The following MAPKAPK2 variants were observed in gnomAD, a reference collection of about 807,000 sequenced individuals.
The protein encoded by MAPKAPK2 is MAP kinase-activated protein kinase 2.
MAPKAPK2 carries 9 observed loss-of-function variants against 48.8 expected under a neutral mutation model. That is an observed-to-expected ratio of 0.18 (90% CI 0.11 to 0.32). The LOEUF is 0.32. Among genes scored for constraint, MAPKAPK2 ranks in the 10% least tolerant of loss-of-function variants. The probability of loss-of-function intolerance (pLI) is 1.00; values close to 1 mark genes in which losing one functional copy is unlikely to be tolerated. For missense variants in MAPKAPK2, 331 were observed against 498.3 expected, an observed-to-expected ratio of 0.66 and a Z score of 3.20; for synonymous variants, 202 against 190.6, an observed-to-expected ratio of 1.06 and a Z score of -0.49.
intron 1 of MAPKAPK2, among the ~76,000 whole-genome samples, chr1:206,720,376 T>C (rs1455137964): frequency 6.6e-6 from 1 of 152,234 alleles, no homozygotes; most frequent in Non-Finnish European, 1.5e-5. Context: ...TGTTTTGTTT[T>C]GTTTTTGAGA....
chr1:206,702,196 G>A (rs1553428013), intron 1 of MAPKAPK2, among the ~76,000 whole-genome samples: 2 of 152,216 alleles, frequency 1.3e-5, no homozygotes, highest in South Asian at 2.1e-4. Flanking sequence ...TATGTTTTTC[G>A]AATCTTGAGA....
chr1:206,729,567 G>A lies in MAPKAPK2; in HGVS notation c.564+92G>A, dbSNP rs527292287. The A allele has an allele frequency of 3.2e-4, 346 of 1,090,054 alleles. 2 individuals are homozygous for A. The highest frequency in any genetic ancestry group is 2.6e-4 in the East Asian group (11 of 42,386). The allele number at this position is 1,090,054 out of a possible 1,614,324, so 67.5% of individuals were successfully genotyped here. A position where few individuals can be genotyped will look rare whatever the true frequency, so the allele number is the denominator to read the frequency against. On this transcript the variant is annotated intron_variant, in intron 4 of 9. Coordinates refer to ENST00000367103, the MANE Select transcript of MAPKAPK2 (RefSeq NM_032960.4). Reference sequence around the variant, plus strand: ...AGAGATGGTTGCCAGGCCACCCTGCGTCCTTGCTGCCTGGTTCCTGAGCAT... The same window carrying A: ...AGAGATGGTTGCCAGGCCACCCTGCATCCTTGCTGCCTGGTTCCTGAGCAT...
chr1:206,690,212 G>A (rs1215046661), intron 1 of MAPKAPK2, among the ~76,000 whole-genome samples: 1 of 152,246 alleles, frequency 6.6e-6, no homozygotes, highest in Admixed American at 6.5e-5. Flanking sequence ...ACAGAATTAT[G>A]AGGGAAGGGT....
In MAPKAPK2 at chr1:206,732,997, A is replaced by C; in HGVS notation, c.*279A>C. On this transcript the variant is annotated 3_prime_UTR_variant, in exon 10 of 10. Coordinates refer to ENST00000367103, the MANE Select transcript of MAPKAPK2 (RefSeq NM_032960.4). The surrounding 1 kb of genome is among the most constrained non-coding windows in gnomAD (Gnocchi z 4.4). ...GTAATTTGACTTAGAGTTTTTACGA[A>C]ACCTCTTTTGTTGTCCTTGCCCCAC... is the stretch of plus-strand genomic sequence containing the variant. 1 of 407,958 alleles carries C rather than the reference A, an allele frequency of 2.5e-6. No individual in the cohort carries two copies. The highest frequency in any genetic ancestry group is 4.4e-6 in the Non-Finnish European group (1 of 225,274). The allele number at this position is 407,958 out of a possible 1,614,324, so 25.3% of individuals were successfully genotyped here. A position where few individuals can be genotyped will look rare whatever the true frequency, so the allele number is the denominator to read the frequency against.
In MAPKAPK2 at chr1:206,731,452, C is replaced by A; in HGVS notation, c.893-188C>A. 8.1e-7 allele frequency: 1 copy of A among 1,234,646 alleles called. No homozygotes were observed. The highest frequency in any genetic ancestry group is 1.1e-6 in the Non-Finnish European group (1 of 879,138). The allele number at this position is 1,234,646 out of a possible 1,614,324, so 76.5% of individuals were successfully genotyped here. ...CCTGTGTGGAGGGCTGGAGGCAGGGCCAAGGCTGTGGGGCTGTGCAGGGCC... is the reference window on the plus strand; with the variant it reads ...CCTGTGTGGAGGGCTGGAGGCAGGGACAAGGCTGTGGGGCTGTGCAGGGCC... On this transcript the variant is annotated intron_variant, in intron 7 of 9. Transcript: ENST00000367103. The surrounding 1 kb of genome is among the most constrained non-coding windows in gnomAD (Gnocchi z 5.9).
intron 1 of MAPKAPK2, among the ~76,000 whole-genome samples, chr1:206,709,772 C>T (rs1312148473): frequency 6.6e-6 from 1 of 152,084 alleles, no homozygotes; most frequent in Non-Finnish European, 1.5e-5. Flanking sequence ...ACCTTTTGGA[C>T]CAGATAAGCC....
At chr1:206,729,872 C>A in intron 4 of MAPKAPK2, 100 bp from the exon 5 acceptor site, 1 of 1,466,624 alleles carries the variant, frequency 6.8e-7, no homozygotes, top group Non-Finnish European at 9.4e-7. Flanking sequence ...CAAATGGTTG[C>A]TGGATGAGTA....
chr1:206,713,150 G>A lies in MAPKAPK2; in HGVS notation c.280-15560G>A, dbSNP rs570964771. On this transcript the variant is annotated intron_variant, in intron 1 of 9. Transcript: ENST00000367103. ...TGTCCCAGCTTCCAAGAGGTACATG[G>A]TCCACAGTGAAAAGAGAAACCGTTT... Among the ~76,000 whole-genome samples the A allele has an allele frequency of 3.3e-5, 5 of 152,284 alleles. No homozygotes were observed. The East Asian group carries it at 9.6e-4, about 29-fold the overall frequency.
At chr1:206,728,960 T>A (rs1673800238) in intron 2 of MAPKAPK2, 75 bp from the exon 3 acceptor site, 5 of 1,611,766 alleles carry the variant, frequency 3.1e-6, no homozygotes, top group Non-Finnish European at 4.2e-6. Context: ...ATGTAAACAC[T>A]TGATTTTTTG....
Position 206,731,648 on chromosome 1 carries a change from C to T in MAPKAPK2, c.901C>T (p.Leu301Phe). 1 of 1,613,878 alleles carries T rather than the reference C, an allele frequency of 6.2e-7. No homozygotes were observed. ...CCTGTCCCACCCCACAGTGAAGATG[C>T]TCATTCGGAATCTGCTGAAAACAGA... ...WSEVSEEVKMLIRNLLKTEPT... is the reference protein window; with the variant it reads ...WSEVSEEVKMFIRNLLKTEPT... Residue 301 changes from leucine to phenylalanine, a missense_variant, in exon 8 of 10, where the codon CTC becomes TTC. Leu to Phe is a conservative substitution (Grantham distance 22). This residue lies in a region of MAPKAPK2 where 124 missense variants were observed against 194.6 expected (regional missense o/e 0.64). Coordinates refer to ENST00000367103, the MANE Select transcript of MAPKAPK2 (RefSeq NM_032960.4). The surrounding 1 kb of genome is among the most constrained non-coding windows in gnomAD (Gnocchi z 5.9).
chr1:206,686,955 C>G (rs2102369210), intron 1 of MAPKAPK2, among the ~76,000 whole-genome samples: 1 of 152,296 alleles, frequency 6.6e-6, no homozygotes, highest in South Asian at 2.1e-4. Flanking sequence ...TCTTAGACTT[C>G]TCTTTCCCTA....
chr1:206,707,729 A>C (rs1673011217), intron 1 of MAPKAPK2, among the ~76,000 whole-genome samples: 1 of 152,160 alleles, frequency 6.6e-6, no homozygotes. Context: ...GGGGTAGGGC[A>C]TGGGGCTCCT....
intron 1 of MAPKAPK2, among the ~76,000 whole-genome samples, chr1:206,717,666 TTC>T (rs1320951796): frequency 6.6e-6 from 1 of 152,186 alleles, no homozygotes; most frequent in African/African-American, 2.4e-5. Flanking sequence ...AGTGTGAAAT[TTC>T]TCATCTGTGC....
intron 1 of MAPKAPK2, among the ~76,000 whole-genome samples, chr1:206,702,402 A>G (rs1298117152): frequency 6.6e-6 from 1 of 152,208 alleles, no homozygotes; most frequent in Non-Finnish European, 1.5e-5. Flanking sequence ...GCAGAGATGC[A>G]ACATCATTCC....
chr1:206,685,316 G>A lies in MAPKAPK2; in HGVS notation c.87G>A (p.Pro29=), dbSNP rs781992901. 6 of 576,396 alleles carry A rather than the reference G, an allele frequency of 1.0e-5. No individual in the cohort carries two copies. The highest frequency in any genetic ancestry group is 1.6e-5 in the Non-Finnish European group (6 of 382,144). 35.7% of individuals were successfully genotyped at this position (576,396 alleles called of 1,614,324 possible). Residue 29 remains proline, a synonymous_variant, in exon 1 of 10, where the codon CCG becomes CCA. Coordinates refer to ENST00000367103, the MANE Select transcript of MAPKAPK2 (RefSeq NM_032960.4). The part of the protein sequence containing the change: ...PPPQPPTPAL[P]HPPAQPPPPP... Reference sequence around the variant, plus strand: ...CGCAGCCCCCCACCCCTGCCCTGCCGCACCCCCCGGCGCAGCCGCCGCCGC... The same window carrying A: ...CGCAGCCCCCCACCCCTGCCCTGCCACACCCCCCGGCGCAGCCGCCGCCGC...
chr1:206,726,516 C>T (rs1673707286), intron 1 of MAPKAPK2, among the ~76,000 whole-genome samples: 1 of 152,262 alleles, frequency 6.6e-6, no homozygotes, highest in African/African-American at 2.4e-5. Flanking sequence ...GCTCCGGCCA[C>T]CTGTTACTCC....
chr1:206,688,278 T>C (rs547787712), intron 1 of MAPKAPK2, among the ~76,000 whole-genome samples: 13 of 152,316 alleles, frequency 8.5e-5, no homozygotes, highest in African/African-American at 2.6e-4. Flanking sequence ...CAAGGTACCA[T>C]AGCCATTCAC....
rs1553432718 is a variant in MAPKAPK2 at position 206,731,677 on chromosome 1, C to T, written c.930C>T (p.Pro310=). The T allele has an allele frequency of 6.2e-7, 1 of 1,614,156 alleles. No individual in the cohort carries two copies. The highest frequency in any genetic ancestry group is 1.3e-5 in the African/African-American group (1 of 75,030). The part of the protein sequence containing the change: ...MLIRNLLKTE[P]TQRMTITEFM... The stretch of plus-strand genomic sequence containing the variant: ...TTCGGAATCTGCTGAAAACAGAGCC[C>T]ACCCAGAGAATGACCATCACCGAGT... The change falls in exon 8 of 10, where the codon CCC becomes CCT. Residue 310 remains proline, a synonymous_variant. Transcript: ENST00000367103. The surrounding 1 kb of genome is among the most constrained non-coding windows in gnomAD (Gnocchi z 5.9).
intron 1 of MAPKAPK2, among the ~76,000 whole-genome samples, chr1:206,726,370 G>C (rs981142055): frequency 6.6e-6 from 1 of 152,250 alleles, no homozygotes; most frequent in Non-Finnish European, 1.5e-5. Context: ...CTGGGCAACA[G>C]AGCGAGACCC....
Sources: allele counts gnomAD v4.1 joint callset (sites outside exome capture counted in the v4.1 genomes callset), GRCh38; gene constraint gnomAD v4.1.1; regional missense constraint gnomAD v4.1.1; non-coding constraint Gnocchi (gnomAD v3.1); transcripts MANE v1.5; gene names NCBI Gene and HGNC (gene_info 2026-07-23, HGNC 2026-07-21).